Variants in NECAB1 observed in about 807,000 individuals in gnomAD.
NECAB1 encodes the protein N-terminal EF-hand calcium-binding protein 1.
A neutral mutation model predicts 57.5 loss-of-function variants in NECAB1; 29 were observed. The ratio of observed to expected loss-of-function variants is 0.50; its 90% confidence interval spans 0.38 to 0.69. NECAB1 has a LOEUF of 0.69. Ranked by LOEUF, NECAB1 falls within the 30% of genes least tolerant of loss-of-function variation. The pLI is 0.00. For synonymous variants in NECAB1, 142 were observed against 147.7 expected, an observed-to-expected ratio of 0.96 and a Z score of 0.28; for missense variants, 372 against 413.8, an observed-to-expected ratio of 0.90 and a Z score of 0.88.
At chr8:90,952,376 G>A (rs1326178711) in intron 12 of NECAB1, among the ~76,000 whole-genome samples, 1 of 152,156 alleles carries the variant, frequency 6.6e-6, no homozygotes, top group Non-Finnish European at 1.5e-5. Flanking sequence ...AGAAGCTTGG[G>A]GAGATGCCTT....
intron 3 of NECAB1, among the ~76,000 whole-genome samples, chr8:90,830,902 G>A (rs1812290176): frequency 6.6e-6 from 1 of 152,136 alleles, no homozygotes; most frequent in African/African-American, 2.4e-5. Context: ...CAGGGCAAAT[G>A]ATTTTGTAGT....
intron 5 of NECAB1, among the ~76,000 whole-genome samples, chr8:90,903,450 T>C (rs1291176469): frequency 6.6e-6 from 1 of 152,168 alleles, no homozygotes; most frequent in African/African-American, 2.4e-5. Context: ...ATAATAAAAG[T>C]CAGTAGAGTT....
chr8:90,853,450 A>G (rs1399096886), intron 3 of NECAB1, among the ~76,000 whole-genome samples: 2 of 149,546 alleles, frequency 1.3e-5, no homozygotes, highest in African/African-American at 2.4e-5. Flanking sequence ...CACTCATCCT[A>G]AACTTGGTTA....
intron 10 of NECAB1, among the ~76,000 whole-genome samples, chr8:90,948,809 C>A (rs961218060): frequency 6.6e-6 from 1 of 151,706 alleles, no homozygotes; most frequent in African/African-American, 2.4e-5. Context: ...CTTTATAATA[C>A]CCTCCATACA....
chr8:90,884,990 C>T (rs1808938889), intron 5 of NECAB1, among the ~76,000 whole-genome samples: 2 of 152,148 alleles, frequency 1.3e-5, no homozygotes, highest in Admixed American at 1.3e-4. Context: ...CATATTCTCT[C>T]ATATCAGACC....
At chr8:90,828,017 A>G (rs1812250408) in intron 3 of NECAB1, among the ~76,000 whole-genome samples, 1 of 151,974 alleles carries the variant, frequency 6.6e-6, no homozygotes. Context: ...CATAATTCCC[A>G]AATCTAACTC....
chr8:90,942,442 T>G (rs1451662397), intron 10 of NECAB1, among the ~76,000 whole-genome samples: 1 of 152,218 alleles, frequency 6.6e-6, no homozygotes, highest in African/African-American at 2.4e-5. Flanking sequence ...TGTGTTTCCA[T>G]GATTATTTTT....
At position 90,855,857 on chromosome 8, in the gene NECAB1, C is replaced by T. The variant is rs576097594; in HGVS notation, c.234-16271C>T. 1.8e-4 allele frequency among the ~76,000 whole-genome samples: 28 copies of T among 152,204 alleles called. 1 individual carries two copies. Among genetic ancestry groups the T allele is most frequent in the Middle Eastern group, 3.4e-3 (1 of 294 alleles). On this transcript the variant is annotated intron_variant, in intron 3 of 12. Transcript: ENST00000417640. ...TTCCAGGTTTTCAGCAGGACTTGGT[C>T]CCTCAGTTTCAAATAGTAGAAAGGC... is the stretch of plus-strand genomic sequence containing the variant.
At chr8:90,910,715 A>G (rs1019878598) in intron 5 of NECAB1, among the ~76,000 whole-genome samples, 8 of 152,170 alleles carry the variant, frequency 5.3e-5, no homozygotes, top group African/African-American at 1.2e-4. Flanking sequence ...AGGACTTACT[A>G]AGATTTTTGT....
intron 2 of NECAB1, among the ~76,000 whole-genome samples, chr8:90,808,640 CTTTTTTTTTT>C (rs200075536): frequency 2.5e-5 from 2 of 81,272 alleles, no homozygotes; most frequent in Admixed American, 1.8e-4. Context: ...TTTTTCTTTT[CTTTTTTTTTT>C]TTTTTTTTTT....
intron 2 of NECAB1, among the ~76,000 whole-genome samples, chr8:90,809,146 C>A (rs1294218216): frequency 6.6e-6 from 1 of 152,204 alleles, no homozygotes; most frequent in African/African-American, 2.4e-5. Context: ...AGTTGAAATT[C>A]TCGTGTGTCT....
rs369154152 is a variant in NECAB1 at position 90,896,850 on chromosome 8, T to C, written c.357+15720T>C. Among the ~76,000 whole-genome samples the C allele has an allele frequency of 2.2e-4, 33 of 152,246 alleles. No individual in the cohort carries two copies. The East Asian group carries it at 3.1e-3, about 14-fold the overall frequency. ...CTCATTCTGATTACCTGCTACCTGCTCTGCCCTGACTCCCGCCAAAGCACT... is the reference window on the plus strand; with the variant it reads ...CTCATTCTGATTACCTGCTACCTGCCCTGCCCTGACTCCCGCCAAAGCACT... On this transcript the variant is annotated intron_variant, in intron 5 of 12. Transcript: ENST00000417640.
chr8:90,798,606 A>C (rs771833262), intron 1 of NECAB1, among the ~76,000 whole-genome samples: 5 of 152,184 alleles, frequency 3.3e-5, no homozygotes, highest in Non-Finnish European at 7.3e-5. Flanking sequence ...AGTTGCATCC[A>C]TGTCACTGCA....
chr8:90,930,571 G>A (rs1278285282), intron 8 of NECAB1, among the ~76,000 whole-genome samples: 5 of 152,126 alleles, frequency 3.3e-5, no homozygotes, highest in Admixed American at 2.0e-4. Context: ...CGTGAGGATG[G>A]GTAAGGTCTC....
In NECAB1 at chr8:90,907,145, T is replaced by TGA. The variant is rs1455170539; in HGVS notation, c.358-10346_358-10345insAG. 2.3e-3 allele frequency among the ~76,000 whole-genome samples: 244 copies of TGA among 104,192 alleles called. 2 individuals are homozygous for TGA. Among genetic ancestry groups the TGA allele is most frequent in the East Asian group, 0.01 (36 of 3,442 alleles). The allele number at this position is 104,192 out of a possible 152,430, so 68.4% of individuals were successfully genotyped here. ...TTTTGTGTGTGTGTGTGTGTGTGTG[T>TGA]GTGTGTGAGAGAGAGAGAGAGAGAG... On this transcript the variant is annotated intron_variant, in intron 5 of 12. Coordinates refer to ENST00000417640, the MANE Select transcript of NECAB1 (RefSeq NM_022351.5).
intron 2 of NECAB1, among the ~76,000 whole-genome samples, chr8:90,808,536 A>C (rs1014493947): frequency 2.0e-5 from 3 of 152,180 alleles, no homozygotes; most frequent in African/African-American, 7.2e-5. Context: ...TGGAAAATTA[A>C]ATAGATCATA....
chr8:90,889,947 CTGTGTGTGTGTGAGTG>C (rs1809115465), intron 5 of NECAB1, among the ~76,000 whole-genome samples: 1 of 122,908 alleles, frequency 8.1e-6, no homozygotes, highest in Admixed American at 8.4e-5. Flanking sequence ...CAACTTTTAA[CTGTGTGTGTGTGAGTG>C]TGTGTGTGTG....
At chr8:90,879,491 T>G (rs1808798417) in intron 4 of NECAB1, among the ~76,000 whole-genome samples, 2 of 152,142 alleles carry the variant, frequency 1.3e-5, no homozygotes. Context: ...TTAAAACCCC[T>G]GTCACAATCC....
At chr8:90,817,489 G>GT (rs1315473793) in intron 2 of NECAB1, among the ~76,000 whole-genome samples, 3 of 151,272 alleles carry the variant, frequency 2.0e-5, no homozygotes, top group Admixed American at 6.6e-5. Flanking sequence ...AGTTGGAGAA[G>GT]TTTTTTTCTA....
Sources: allele counts gnomAD v4.1 joint callset (sites outside exome capture counted in the v4.1 genomes callset), GRCh38; gene constraint gnomAD v4.1.1; transcripts MANE v1.5; gene names NCBI Gene and HGNC (gene_info 2026-07-23, HGNC 2026-07-21).